DENND1A: variants seen among roughly 807,000 people sequenced by gnomAD.
The protein encoded by DENND1A is DENN domain containing 1A.
A neutral mutation model predicts 113.7 loss-of-function variants in DENND1A; 51 were observed. That is an observed-to-expected ratio of 0.45 (90% confidence interval 0.36 to 0.57). The LOEUF (loss-of-function observed/expected upper bound fraction) is 0.57. DENND1A is among the 20% of genes least tolerant of loss of function. The probability of loss-of-function intolerance (pLI) is 0.00; values close to 1 mark genes in which losing one functional copy is unlikely to be tolerated. For missense variants in DENND1A, 1,258 were observed against 1,395.9 expected, an observed-to-expected ratio of 0.90 and a Z score of 1.57; for synonymous variants, 565 against 570.8, an observed-to-expected ratio of 0.99 and a Z score of 0.14.
In DENND1A at chr9:123,848,099, T is replaced by C. The variant is rs1035090842; in HGVS notation, c.88+30852A>G. Among the ~76,000 whole-genome samples, 4 of 152,014 alleles carry C rather than the reference T, an allele frequency of 2.6e-5. No homozygotes were observed. The East Asian group carries it at 5.8e-4, about 22-fold the overall frequency. ...GGGAATGATTAAAGTCAAAACAATATACAATCTTGTATTGTCCAGGAGGAG... is the reference window on the plus strand; with the variant it reads ...GGGAATGATTAAAGTCAAAACAATACACAATCTTGTATTGTCCAGGAGGAG... On this transcript the variant is annotated intron_variant, in intron 2 of 23. Coordinates refer to ENST00000394215, the MANE Select transcript of DENND1A (RefSeq NM_001352964.2).
chr9:123,909,059 G>A (rs1853447156), intron 1 of DENND1A, among the ~76,000 whole-genome samples: 1 of 152,154 alleles, frequency 6.6e-6, no homozygotes, highest in African/African-American at 2.4e-5. Context: ...GGACATGGAT[G>A]AAACTGGAAA....
In DENND1A at chr9:123,728,856, G is replaced by A. The variant is rs964039035; in HGVS notation, c.302+28847C>T. Among the ~76,000 whole-genome samples the A allele has an allele frequency of 4.6e-5, 7 of 152,014 alleles. No homozygotes were observed. In the South Asian group the frequency reaches 6.2e-4, roughly 14 times the overall value. On this transcript the variant is annotated intron_variant, in intron 5 of 23. Coordinates refer to ENST00000394215, the MANE Select transcript of DENND1A (RefSeq NM_001352964.2). ...CAATATCGCTGATGAACATCGATGC[G>A]AAAATCCTCAATAAAATACTGGCAA...
chr9:123,644,621 AC>A (rs2062213445), intron 9 of DENND1A, among the ~76,000 whole-genome samples: 1 of 152,164 alleles, frequency 6.6e-6, no homozygotes, highest in African/African-American at 2.4e-5. Flanking sequence ...AAGTAATGGC[AC>A]CCAATAGACA....
intron 2 of DENND1A, among the ~76,000 whole-genome samples, chr9:123,831,251 T>C (rs2132775647): frequency 6.6e-6 from 1 of 152,186 alleles, no homozygotes; most frequent in South Asian, 2.1e-4. Flanking sequence ...AAGCAAGACT[T>C]ATACACGAAT....
chr9:123,483,643 C>G (rs1164553316), intron 13 of DENND1A, among the ~76,000 whole-genome samples: 1 of 152,238 alleles, frequency 6.6e-6, no homozygotes, highest in Non-Finnish European at 1.5e-5. Context: ...TTCTGAGGGA[C>G]AGTGTGTCCT....
intron 12 of DENND1A, among the ~76,000 whole-genome samples, chr9:123,566,634 G>A (rs1421412596): frequency 6.6e-6 from 1 of 152,100 alleles, no homozygotes; most frequent in Non-Finnish European, 1.5e-5. Flanking sequence ...CATCCTTGGA[G>A]TAAAAAAGTG....
chr9:123,796,968 G>A (rs1295865260), intron 2 of DENND1A, among the ~76,000 whole-genome samples: 3 of 152,038 alleles, frequency 2.0e-5, no homozygotes, highest in Admixed American at 6.6e-5. Context: ...ACCTCTTTTA[G>A]GAAATTTAAG....
chr9:123,586,461 A>G lies in DENND1A; in HGVS notation c.766-3191T>C, dbSNP rs1291136641. 2.0e-5 allele frequency among the ~76,000 whole-genome samples: 3 copies of G among 152,330 alleles called. No individual in the cohort carries two copies. In the East Asian group the frequency reaches 5.8e-4, roughly 29 times the overall value. Reference sequence around the variant, plus strand: ...CAACAATGGCAGCAGGCTGAAGAATAGGAAAAAACCTGGCCCCTTTTTCTA... The same window carrying G: ...CAACAATGGCAGCAGGCTGAAGAATGGGAAAAAACCTGGCCCCTTTTTCTA... On this transcript the variant is annotated intron_variant, in intron 11 of 23. Coordinates refer to ENST00000394215, the MANE Select transcript of DENND1A (RefSeq NM_001352964.2).
At position 123,485,103 on chromosome 9, in the gene DENND1A, G is replaced by A. The variant is rs920289390; in HGVS notation, c.994-27206C>T. Among the ~76,000 whole-genome samples, 12 of 152,324 alleles carry A rather than the reference G, an allele frequency of 7.9e-5. No homozygotes were observed. In the East Asian group the frequency reaches 2.3e-3, roughly 29 times the overall value. ...CCCTCAGGGCAGGAGCTGCACTTCT[G>A]CTGCCTCAGGATCCCCAGTGTTGGG... On this transcript the variant is annotated intron_variant, in intron 13 of 23. Coordinates refer to ENST00000394215, the MANE Select transcript of DENND1A (RefSeq NM_001352964.2).
chr9:123,492,669 C>T (rs1392255708), intron 13 of DENND1A: 3 of 152,124 alleles, frequency 2.0e-5, no homozygotes, highest in Non-Finnish European at 4.4e-5. Flanking sequence ...TTAGTAAAAA[C>T]GAAGCATCAT....
chr9:123,479,951 A>G (rs1367658963), intron 13 of DENND1A, among the ~76,000 whole-genome samples: 1 of 152,234 alleles, frequency 6.6e-6, no homozygotes, highest in Non-Finnish European at 1.5e-5. Flanking sequence ...TGGGGAAGGC[A>G]AATGTCAGCT....
chr9:123,803,939 C>T (rs965069311), intron 2 of DENND1A, among the ~76,000 whole-genome samples: 6 of 152,216 alleles, frequency 3.9e-5, no homozygotes, highest in Non-Finnish European at 7.3e-5. Context: ...CCTTCTTTTA[C>T]TGCTAACATC....
intron 13 of DENND1A, among the ~76,000 whole-genome samples, chr9:123,487,810 G>A (rs1218148370): frequency 1.3e-5 from 2 of 152,228 alleles, no homozygotes; most frequent in Non-Finnish European, 2.9e-5. Context: ...AAAGGGGACT[G>A]CTGATATTTC....
chr9:123,454,654 A>C, intron 16 of DENND1A, 85 bp downstream of exon 16: 1 of 1,356,222 alleles, frequency 7.4e-7, no homozygotes. Flanking sequence ...GTGCTCCAGG[A>C]TGGAAGGGGA....
intron 9 of DENND1A, among the ~76,000 whole-genome samples, chr9:123,645,728 C>T (rs1224921079): frequency 2.0e-5 from 3 of 152,160 alleles, no homozygotes; most frequent in Non-Finnish European, 2.9e-5. Flanking sequence ...AATACATATT[C>T]ATAGATTTCA....
chr9:123,701,310 T>A (rs2140659512), intron 5 of DENND1A, among the ~76,000 whole-genome samples: 1 of 152,322 alleles, frequency 6.6e-6, no homozygotes, highest in African/African-American at 2.4e-5. Flanking sequence ...TCATAGTGCC[T>A]GGTTATAGCA....
chr9:123,594,784 C>T (rs953777152), intron 11 of DENND1A, among the ~76,000 whole-genome samples: 2 of 152,118 alleles, frequency 1.3e-5, no homozygotes, highest in African/African-American at 4.8e-5. Flanking sequence ...ACACAGCATG[C>T]ACAAAATGTG....
At chr9:123,619,010 C>T (rs767693906) in intron 10 of DENND1A, among the ~76,000 whole-genome samples, 6 of 152,116 alleles carry the variant, frequency 3.9e-5, no homozygotes, top group Non-Finnish European at 7.3e-5. Context: ...TGCAGTGACG[C>T]GATCTCAGCT....
At chr9:123,595,287 A>C (rs2059634379) in intron 11 of DENND1A, among the ~76,000 whole-genome samples, 1 of 152,144 alleles carries the variant, frequency 6.6e-6, no homozygotes, top group African/African-American at 2.4e-5. Context: ...AGGGATTCTC[A>C]AGCCAGGTCA....
Sources: gnomAD v4.1 joint callset for allele counts (sites outside exome capture counted in the v4.1 genomes callset) on GRCh38, gnomAD v4.1.1 for gene constraint, MANE v1.5 for transcripts, NCBI Gene and HGNC (gene_info 2026-07-23, HGNC 2026-07-21) for gene names.